The following NTAN1 variants were observed in gnomAD, a reference collection of about 807,000 sequenced individuals.
NTAN1 encodes protein N-terminal asparagine amidohydrolase.
Under a neutral mutation model 41.9 loss-of-function variants are expected in NTAN1, and 32 were observed. The ratio of observed to expected loss-of-function variants is 0.76; its 90% CI spans 0.58 to 1.03. The LOEUF (loss-of-function observed/expected upper bound fraction) is 1.03, where lower values mean the gene tolerates loss of function less well. Among genes scored for constraint, NTAN1 ranks in the 50% least tolerant of loss-of-function variants. The pLI is 0.00. For missense variants in NTAN1, 377 were observed against 377.5 expected (o/e 1.00, Z 0.01); for synonymous variants, 140 against 139.5 (o/e 1.00, Z -0.03).
chr16:15,053,311 CAGTA>C (rs1416625216), intron 1 of NTAN1, among the ~76,000 whole-genome samples: 3 of 152,172 alleles, frequency 2.0e-5, no homozygotes, highest in Non-Finnish European at 4.4e-5. Flanking sequence ...ATGGGAATAG[CAGTA>C]ACTCTTGCTG....
intron 1 of NTAN1, among the ~76,000 whole-genome samples, chr16:15,049,803 A>G (rs982110305): frequency 2.6e-5 from 4 of 152,260 alleles, no homozygotes; most frequent in Non-Finnish European, 4.4e-5. Context: ...ACCAAGTCAC[A>G]GCCACTAACT....
At chr16:15,041,793 C>T in intron 5 of NTAN1, 117 bp from the exon 6 acceptor site, 1 of 755,900 alleles carries the variant, frequency 1.3e-6, no homozygotes, top group South Asian at 1.4e-5. Flanking sequence ...CTCCGCCCTA[C>T]AGCCCGCGCC....
At chr16:15,041,261 C>G in intron 6 of NTAN1, 140 bp from the exon 7 acceptor site, 1 of 682,532 alleles carries the variant, frequency 1.5e-6, no homozygotes, top group Admixed American at 2.2e-5. Flanking sequence ...GATTGTGGCC[C>G]TGTTTCCCTA....
chr16:15,041,894 T>G (rs774418839), intron 5 of NTAN1, among the ~76,000 whole-genome samples: 12 of 152,186 alleles, frequency 7.9e-5, no homozygotes, highest in Non-Finnish European at 1.6e-4. Context: ...ATTCTCAGCC[T>G]CAGGCCCGAA....
intron 1 of NTAN1, among the ~76,000 whole-genome samples, chr16:15,052,350 T>G: frequency 6.6e-6 from 1 of 152,368 alleles, no homozygotes; most frequent in East Asian, 1.9e-4. Flanking sequence ...TCTTGGCCTA[T>G]AGGCTATACA....
chr16:15,044,473 T>G lies in NTAN1; in HGVS notation c.360-66A>C. 6 of 1,023,212 alleles carry G rather than the reference T, an allele frequency of 5.9e-6. No homozygotes were observed. The South Asian group carries it at 7.8e-5, about 13-fold the overall frequency. 63.4% of individuals were successfully genotyped at this position (1,023,212 alleles called of 1,614,324 possible). ...ACCGGTGCGTGCGCTGGTCTCACTT[T>G]GAACTTTCATTCTCAGTTTCCATGA... is the stretch of plus-strand genomic sequence containing the variant. On this transcript the variant is annotated intron_variant, in intron 4 of 9. Coordinates refer to ENST00000287706, the MANE Select transcript of NTAN1 (RefSeq NM_173474.4).
chr16:15,043,955 GAAAAA>G (rs962627544), intron 5 of NTAN1, among the ~76,000 whole-genome samples: 1 of 149,428 alleles, frequency 6.7e-6, no homozygotes, highest in African/African-American at 2.5e-5. Flanking sequence ...CTCAAAAAAA[GAAAAA>G]AAAAGAAAAA....
intron 1 of NTAN1, among the ~76,000 whole-genome samples, chr16:15,053,546 G>C (rs931727656): frequency 1.3e-4 from 20 of 152,292 alleles, no homozygotes; most frequent in East Asian, 1.9e-4. Context: ...AAGAATGGTT[G>C]TAGTCATACT....
intron 1 of NTAN1, among the ~76,000 whole-genome samples, chr16:15,052,608 A>G (rs780698290): frequency 6.6e-6 from 1 of 152,158 alleles, no homozygotes; most frequent in Non-Finnish European, 1.5e-5. Flanking sequence ...CCGAGGCGAG[A>G]TGATCGCTTG....
chr16:15,040,954 T>C, intron 7 of NTAN1, 114 bp downstream of exon 7: 1 of 765,930 alleles, frequency 1.3e-6, no homozygotes, highest in Admixed American at 1.9e-5. Flanking sequence ...GTAGCTGGGA[T>C]CTGAACCCAA....
chr16:15,053,233 A>G (rs1272557268), intron 1 of NTAN1, among the ~76,000 whole-genome samples: 4 of 152,064 alleles, frequency 2.6e-5, no homozygotes, highest in African/African-American at 9.7e-5. Context: ...TGGCTTCACC[A>G]CTCCCAGGAT....
intron 6 of NTAN1, among the ~76,000 whole-genome samples, chr16:15,041,358 CCT>C (rs746477635): frequency 1.8e-4 from 27 of 152,050 alleles, no homozygotes; most frequent in African/African-American, 2.7e-4. Flanking sequence ...CTCTGTGCAC[CCT>C]GTCTGCCACA....
In NTAN1 at chr16:15,039,991, G is replaced by GC. The variant is rs1462033416; in HGVS notation, c.616dup (p.Ala206GlyfsTer11). 1.9e-6 allele frequency: 3 copies of GC among 1,605,552 alleles called. No homozygotes were observed. Among genetic ancestry groups the GC allele is most frequent in the Non-Finnish European group, 2.6e-6 (3 of 1,173,338 alleles). On this transcript the variant is annotated frameshift_variant, in exon 8 of 10. Transcript: ENST00000287706. LOFTEE classifies it high-confidence loss of function. Reference sequence around the variant, plus strand: ...CACTGGTCCTCCTGCTAAAGTTCGCGCAGCACGAAGCTGCTCCTCCGGACC... The same window carrying GC: ...CACTGGTCCTCCTGCTAAAGTTCGCGCCAGCACGAAGCTGCTCCTCCGGACC...
chr16:15,049,102 C>T (rs953801355), intron 1 of NTAN1, among the ~76,000 whole-genome samples: 3 of 150,852 alleles, frequency 2.0e-5, no homozygotes, highest in African/African-American at 7.4e-5. Flanking sequence ...CTATGCTCCC[C>T]AGGCTGGTCT....
chr16:15,038,796 G>A (rs2043670021), intron 8 of NTAN1, 109 bp from the exon 9 acceptor site: 2 of 629,836 alleles, frequency 3.2e-6, no homozygotes, highest in Non-Finnish European at 5.6e-6. Flanking sequence ...ATCTGCCTAA[G>A]CTTCTTAAAA....
intron 1 of NTAN1, among the ~76,000 whole-genome samples, chr16:15,052,904 G>A (rs948563193): frequency 2.0e-5 from 3 of 152,212 alleles, no homozygotes; most frequent in Non-Finnish European, 2.9e-5. Flanking sequence ...CTGTGGAACC[G>A]TATTACCCAA....
intron 9 of NTAN1, 27 bp from the exon 10 acceptor site, chr16:15,038,237 G>C: frequency 6.3e-7 from 1 of 1,586,720 alleles, no homozygotes; most frequent in East Asian, 2.2e-5. Flanking sequence ...GTGGGCATTA[G>C]AGAAGCCAAC....
chr16:15,055,229 T>A (rs76702213), intron 1 of NTAN1, among the ~76,000 whole-genome samples: 1 of 152,082 alleles, frequency 6.6e-6, no homozygotes, highest in Non-Finnish European at 1.5e-5. Flanking sequence ...AGTCCCTGCA[T>A]AAGCGTGGAC....
chr16:15,038,485 G>T, intron 9 of NTAN1, 89 bp downstream of exon 9: 1 of 763,398 alleles, frequency 1.3e-6, no homozygotes, highest in Non-Finnish European at 2.2e-6. Context: ...AGGGAAAGCA[G>T]CTATGACCTG....
Sources: allele counts gnomAD v4.1 joint callset (sites outside exome capture counted in the v4.1 genomes callset), GRCh38; gene constraint gnomAD v4.1.1; transcripts MANE v1.5; gene names NCBI Gene and HGNC (gene_info 2026-07-23, HGNC 2026-07-21).